DENND2B: variants seen among roughly 807,000 people sequenced by gnomAD.
DENND2B encodes DENN domain containing 2B.
DENND2B carries 32 observed loss-of-function variants against 116.0 expected under a neutral mutation model. The observed-to-expected ratio is 0.28, with a 90% CI of 0.21 to 0.37. The LOEUF is 0.37. Ranked by LOEUF, DENND2B falls within the 10% of genes least tolerant of loss-of-function variation. The pLI is 1.00. For missense variants in DENND2B, 1,276 were observed against 1,477.7 expected (o/e 0.86, Z 2.24); for synonymous variants, 588 against 583.9 (o/e 1.01, Z -0.10).
chr11:8,833,434 C>T (rs937155541), intron 4 of DENND2B, among the ~76,000 whole-genome samples: 5 of 152,116 alleles, frequency 3.3e-5, no homozygotes, highest in African/African-American at 1.2e-4. Context: ...ATTCCTAATA[C>T]AGATTCCATA....
At chr11:8,753,211 T>A (rs528360945) in intron 1 of DENND2B, among the ~76,000 whole-genome samples, 2 of 152,262 alleles carry the variant, frequency 1.3e-5, no homozygotes, top group Admixed American at 6.5e-5. Flanking sequence ...CACTCCAGCC[T>A]GGGTAACAGA....
chr11:8,753,545 GA>G (rs1314877077), intron 1 of DENND2B, among the ~76,000 whole-genome samples: 1 of 152,082 alleles, frequency 6.6e-6, no homozygotes, highest in Non-Finnish European at 1.5e-5. Flanking sequence ...CTTCTTTTCA[GA>G]AATTGACAAG....
chr11:8,861,815 G>T (rs2063401890), intron 2 of DENND2B, among the ~76,000 whole-genome samples: 1 of 151,980 alleles, frequency 6.6e-6, no homozygotes. Flanking sequence ...TAAAAAATGT[G>T]GTATGTATAC....
chr11:8,905,667 G>A (rs560304034), intron 1 of DENND2B, among the ~76,000 whole-genome samples: 14 of 151,984 alleles, frequency 9.2e-5, no homozygotes, highest in African/African-American at 2.9e-4. Context: ...GTGTGGGTGC[G>A]GCGGCTCAAG....
At chr11:8,763,013 C>T (rs182493765) in intron 1 of DENND2B, among the ~76,000 whole-genome samples, 110 of 152,234 alleles carry the variant, frequency 7.2e-4, no homozygotes, top group African/African-American at 2.6e-3. Context: ...ACCAAGAACT[C>T]ATATCCAGAA....
At chr11:8,720,245 T>G (rs2045924262) in intron 4 of DENND2B, among the ~76,000 whole-genome samples, 1 of 152,146 alleles carries the variant, frequency 6.6e-6, no homozygotes, top group Non-Finnish European at 1.5e-5. Context: ...TAGCCCTCTT[T>G]TTTTTCCATC....
upstream of DENND2B, among the ~76,000 whole-genome samples, chr11:8,815,297 C>A (rs2061530924): frequency 6.6e-6 from 1 of 152,058 alleles, no homozygotes; most frequent in Non-Finnish European, 1.5e-5. Context: ...AAAAAGGGTT[C>A]TCTTACTAAA....
chr11:8,888,010 G>A (rs1214509505), intron 1 of DENND2B, among the ~76,000 whole-genome samples: 1 of 152,188 alleles, frequency 6.6e-6, no homozygotes, highest in African/African-American at 2.4e-5. Context: ...ATGTGGAGAA[G>A]GAGACAGCAT....
chr11:8,812,566 T>TC (rs2061428569), upstream of DENND2B, among the ~76,000 whole-genome samples: 1 of 151,886 alleles, frequency 6.6e-6, no homozygotes, highest in Non-Finnish European at 1.5e-5. Context: ...CTAGAAACAA[T>TC]CCCCAAGCCT....
chr11:8,714,687 G>C lies in DENND2B; in HGVS notation c.1865C>G (p.Ser622Cys), dbSNP rs766659847. 1.9e-6 allele frequency: 3 copies of C among 1,614,076 alleles called. No individual in the cohort carries two copies. The highest frequency in any genetic ancestry group is 2.5e-6 in the Non-Finnish European group (3 of 1,180,042). Reference sequence around the variant, plus strand: ...CTTTCCTCTCTTGGCATTGTAGATGGAGTTAATTCTTTGGACAAGCTGGGT... The same window carrying C: ...CTTTCCTCTCTTGGCATTGTAGATGCAGTTAATTCTTTGGACAAGCTGGGT... ...RIPKLVQRINSIYNAKRGKKR... is the reference protein window; with the variant it reads ...RIPKLVQRINCIYNAKRGKKR... Residue 622 changes from serine to cysteine, a missense_variant, in exon 7 of 20, where the codon TCC becomes TGC. Coordinates refer to ENST00000313726, the MANE Select transcript of DENND2B (RefSeq NM_213618.2).
In DENND2B at chr11:8,825,033, T is replaced by C. The variant is rs537500870; in HGVS notation, c.-114-13698A>G. 1.0e-3 allele frequency among the ~76,000 whole-genome samples: 152 copies of C among 152,264 alleles called. 1 individual carries two copies. The highest frequency in any genetic ancestry group is 1.7e-3 in the Admixed American group (26 of 15,288). On this transcript the variant is annotated intron_variant, in intron 4 of 6. Coordinates refer to the DENND2B transcript ENST00000524757. ...CAAATCATTTATATTCCTTTGGGTA[T>C]ATACCCAGTAATGGGATTGCTGGGT...
chr11:8,873,754 A>C (rs1197802279), upstream of DENND2B, among the ~76,000 whole-genome samples: 1 of 152,248 alleles, frequency 6.6e-6, no homozygotes, highest in Non-Finnish European at 1.5e-5. Flanking sequence ...ATAAGCGCAC[A>C]GTAAATATAT....
chr11:8,723,602 C>T (rs1393382), intron 4 of DENND2B, among the ~76,000 whole-genome samples: 147,020 of 152,296 alleles, frequency 0.97, 71,166 homozygotes, highest in East Asian at 1. Flanking sequence ...AGGAACAGCA[C>T]TGGCTGCCTC....
At chr11:8,797,339 AG>A (rs2059903402) in intron 1 of DENND2B, among the ~76,000 whole-genome samples, 1 of 152,214 alleles carries the variant, frequency 6.6e-6, no homozygotes, top group African/African-American at 2.4e-5. Context: ...GATCCCAAGA[AG>A]TATGCAGACT....
intron 2 of DENND2B, among the ~76,000 whole-genome samples, chr11:8,733,505 G>T (rs759493807): frequency 2.0e-5 from 3 of 152,184 alleles, no homozygotes; most frequent in Non-Finnish European, 4.4e-5. Flanking sequence ...TCATGTCCTC[G>T]TGAAGCTTAT....
chr11:8,902,365 C>T (rs1189645567), intron 1 of DENND2B, among the ~76,000 whole-genome samples: 4 of 151,352 alleles, frequency 2.6e-5, no homozygotes, highest in Non-Finnish European at 4.4e-5. Flanking sequence ...AAGTCCCCAA[C>T]TACCACTGTT....
intron 1 of DENND2B, among the ~76,000 whole-genome samples, chr11:8,884,708 G>A (rs2063942070): frequency 6.6e-6 from 1 of 152,054 alleles, no homozygotes; most frequent in African/African-American, 2.4e-5. Flanking sequence ...CTTCATGCAT[G>A]GTACCAATGA....
At position 8,820,853 on chromosome 11, in the gene DENND2B, G is replaced by A. The variant is rs529329399; in HGVS notation, c.-114-9518C>T. Reference sequence around the variant, plus strand: ...AGAGATGACTATGGCTGGGTGCAGCGGCTCACATCTGTAATCCCAGCACTT... The same window carrying A: ...AGAGATGACTATGGCTGGGTGCAGCAGCTCACATCTGTAATCCCAGCACTT... On this transcript the variant is annotated intron_variant, in intron 4 of 6. Coordinates refer to the DENND2B transcript ENST00000524757. Among the ~76,000 whole-genome samples, 259 of 152,250 alleles carry A rather than the reference G, an allele frequency of 1.7e-3. 1 individual carries two copies. Among genetic ancestry groups the A allele is most frequent in the African/African-American group, 6.0e-3 (249 of 41,538 alleles).
intron 19 of DENND2B, 139 bp from the exon 20 acceptor site, chr11:8,694,269 G>T: frequency 9.6e-7 from 1 of 1,043,744 alleles, no homozygotes; most frequent in Non-Finnish European, 1.4e-6. Context: ...ATCTGATCCA[G>T]GGTAGTGAAA....
Sources: allele counts gnomAD v4.1 joint callset (sites outside exome capture counted in the v4.1 genomes callset), GRCh38; gene constraint gnomAD v4.1.1; transcripts MANE v1.5; gene names NCBI Gene and HGNC (gene_info 2026-07-23, HGNC 2026-07-21).